Variants in CUL1 observed in about 807,000 individuals in gnomAD.
CUL1 encodes cullin-1.
A neutral mutation model predicts 118.0 loss-of-function variants in CUL1; 24 were observed. The observed-to-expected ratio is 0.20, with a 90% CI of 0.15 to 0.29. CUL1 has a LOEUF of 0.29. Among genes scored for constraint, CUL1 ranks in the 10% least tolerant of loss-of-function variants. CUL1 has a pLI of 1.00. For missense variants in CUL1, 361 were observed against 933.8 expected, an observed-to-expected ratio of 0.39 and a Z score of 7.99; for synonymous variants, 332 against 340.4, an observed-to-expected ratio of 0.98 and a Z score of 0.27.
At position 148,786,595 on chromosome 7, in the gene CUL1, A is replaced by T; in HGVS notation, c.1343A>T (p.Gln448Leu). 3 of 1,613,550 alleles carry T rather than the reference A, an allele frequency of 1.9e-6. No homozygotes were observed. The highest frequency in any genetic ancestry group is 2.5e-6 in the Non-Finnish European group (3 of 1,179,600). Residue 448 changes from glutamine (Q) to leucine (L), a missense_variant, in exon 12 of 22, where the codon CAA becomes CTA. Around this residue, in one of 7 missense-constraint regions of CUL1, gnomAD observed 169 missense variants for 429.7 expected, o/e 0.39. Transcript: ENST00000325222. ...GCAGAACTAGAAGACACACTCAATC[A>T]AGTGGTAAGTGCTTCATGAGCATAC... ...EEAELEDTLNQVMVVFKYIED... is the reference protein window; with the variant it reads ...EEAELEDTLNLVMVVFKYIED...
intron 2 of CUL1, among the ~76,000 whole-genome samples, chr7:148,730,996 A>G (rs1004161207): frequency 1.3e-5 from 2 of 152,056 alleles, no homozygotes; most frequent in African/African-American, 4.8e-5. Flanking sequence ...TTTATTGTTT[A>G]TAGAGACAGA....
intron 8 of CUL1, 60 bp downstream of exon 8, chr7:148,766,783 T>C: frequency 7.0e-7 from 1 of 1,429,978 alleles, no homozygotes; most frequent in Non-Finnish European, 9.6e-7. Flanking sequence ...TTGATATTGC[T>C]TTTGATTCTA....
rs547492677 is a variant in CUL1, at chr7:148,776,092, A to G, written c.1084-7691A>G. 2.2e-4 allele frequency among the ~76,000 whole-genome samples: 33 copies of G among 151,872 alleles called. No homozygotes were observed. The South Asian group carries it at 6.7e-3, about 31-fold the overall frequency. ...TCAGATGTCATAATTCGTCAGTCCT[A>G]CCCTTTTCTACAGGCTGAATTTTTA... On this transcript the variant is annotated intron_variant, in intron 9 of 21. Coordinates refer to ENST00000325222, the MANE Select transcript of CUL1 (RefSeq NM_003592.3).
chr7:148,738,557 G>A (rs28626891), intron 2 of CUL1, among the ~76,000 whole-genome samples: 3,834 of 152,230 alleles, frequency 0.025, 125 homozygotes, highest in African/African-American at 0.077. Context: ...ACCTGCTTAC[G>A]TTCTCACCTG....
intron 9 of CUL1, among the ~76,000 whole-genome samples, chr7:148,769,405 A>T (rs1252128436): frequency 1.8e-5 from 2 of 110,924 alleles, no homozygotes; most frequent in East Asian, 5.9e-4. Context: ...ATTCACACAC[A>T]CACACACACA....
At chr7:148,759,904 G>A (rs1799782136) in intron 6 of CUL1, among the ~76,000 whole-genome samples, 1 of 152,090 alleles carries the variant, frequency 6.6e-6, no homozygotes, top group African/African-American at 2.4e-5. Context: ...GTGAATTACT[G>A]GATATGTTAG....
At chr7:148,716,187 G>T (rs1404570532) in intron 1 of CUL1, among the ~76,000 whole-genome samples, 1 of 152,032 alleles carries the variant, frequency 6.6e-6, no homozygotes, top group Non-Finnish European at 1.5e-5. Flanking sequence ...CATAAAAAAT[G>T]TCAAAAGTGT....
At chr7:148,698,129 C>G (rs1010309392), upstream of CUL1, 1 of 152,232 alleles carries the variant, frequency 6.6e-6, no homozygotes, top group Non-Finnish European at 1.5e-5. Context: ...GAGCCGATTC[C>G]TAAGGCCTTG....
chr7:148,785,575 G>C (rs2129462750), intron 11 of CUL1, among the ~76,000 whole-genome samples: 1 of 149,618 alleles, frequency 6.7e-6, no homozygotes, highest in East Asian at 2.0e-4. Context: ...TGTTGGCCAG[G>C]CTCGTCTCGA....
At chr7:148,778,070 CAAAAAAA>C (rs1203417069) in intron 9 of CUL1, among the ~76,000 whole-genome samples, 5 of 13,794 alleles carry the variant, frequency 3.6e-4, no homozygotes, top group African/African-American at 6.8e-4. Flanking sequence ...GACCCTGTCT[CAAAAAAA>C]AAAAAAAAAA....
intron 2 of CUL1, among the ~76,000 whole-genome samples, chr7:148,744,052 A>G (rs916232619): frequency 6.6e-6 from 1 of 152,248 alleles, no homozygotes; most frequent in Middle Eastern, 3.4e-3. Flanking sequence ...TTGTTGCCTG[A>G]TAGTTATTAG....
chr7:148,744,696 A>G (rs952913301), intron 2 of CUL1, among the ~76,000 whole-genome samples: 10 of 152,132 alleles, frequency 6.6e-5, no homozygotes, highest in African/African-American at 2.2e-4. Context: ...TTACCCAGAT[A>G]CTTACTGTTT....
rs756153205 is a variant in CUL1 at position 148,737,280 on chromosome 7, CAG to C, written c.140+7021_140+7022del. ...AAGTTTGATTCACGGTAATTATACTCAGAGTACTTTGAACATTATGTAACACA... is the reference window on the plus strand; with the variant it reads ...AAGTTTGATTCACGGTAATTATACTCAGTACTTTGAACATTATGTAACACA... On this transcript the variant is annotated intron_variant, in intron 2 of 21. Coordinates refer to ENST00000325222, the MANE Select transcript of CUL1 (RefSeq NM_003592.3). Among the ~76,000 whole-genome samples the C allele has an allele frequency of 2.3e-4, 35 of 151,616 alleles. 1 individual carries two copies. The highest frequency in any genetic ancestry group is 6.8e-3 in the Middle Eastern group (2 of 292).
chr7:148,797,719 TAATGG>T, intron 17 of CUL1, 88 bp from the exon 18 acceptor site: 1 of 832,620 alleles, frequency 1.2e-6, no homozygotes, highest in Non-Finnish European at 1.9e-6. Context: ...TTTTTTTTTT[TAATGG>T]AAAATGGACT....
At chr7:148,773,123 A>G (rs781737634) in intron 9 of CUL1, among the ~76,000 whole-genome samples, 47 of 152,208 alleles carry the variant, frequency 3.1e-4, no homozygotes, top group Non-Finnish European at 4.6e-4. Flanking sequence ...TAATACATTT[A>G]TAATTTTACT....
chr7:148,760,226 AT>A (rs1799789745), intron 6 of CUL1, 106 bp from the exon 7 acceptor site: 1 of 873,830 alleles, frequency 1.1e-6, no homozygotes, highest in South Asian at 2.3e-5. Flanking sequence ...GCCATTTCAC[AT>A]TTACCTTTTA....
intron 9 of CUL1, among the ~76,000 whole-genome samples, chr7:148,769,883 A>G (rs1413043811): frequency 2.0e-5 from 3 of 152,230 alleles, no homozygotes. Flanking sequence ...GAAGAAAGAA[A>G]AAAAAAGCAT....
intron 1 of CUL1, among the ~76,000 whole-genome samples, chr7:148,705,520 GA>G (rs1797852828): frequency 6.6e-6 from 1 of 152,196 alleles, no homozygotes. Flanking sequence ...CTAATGCTGG[GA>G]GGGGGCACCT....
At chr7:148,722,792 G>A (rs369235462) in intron 1 of CUL1, among the ~76,000 whole-genome samples, 1 of 152,232 alleles carries the variant, frequency 6.6e-6, no homozygotes, top group Non-Finnish European at 1.5e-5. Context: ...TGCAGGTGGG[G>A]CCCTGCTGAG....
Sources: allele counts gnomAD v4.1 joint callset (sites outside exome capture counted in the v4.1 genomes callset), GRCh38; gene constraint gnomAD v4.1.1; regional missense constraint gnomAD v4.1.1; transcripts MANE v1.5; gene names NCBI Gene and HGNC (gene_info 2026-07-23, HGNC 2026-07-21).